RNF222: variants seen among roughly 807,000 people sequenced by gnomAD.
RNF222 encodes ring finger protein 222.
Under a neutral mutation model 10.8 loss-of-function variants are expected in RNF222, and 14 were observed. The ratio of observed to expected loss-of-function variants is 1.30; its 90% CI spans 0.86 to 2.03. The LOEUF (loss-of-function observed/expected upper bound fraction) is 2.03. Among genes scored for constraint, RNF222 ranks in the 30% most tolerant of loss-of-function variants. RNF222 has a pLI of 0.00. For synonymous variants in RNF222, 141 were observed against 142.5 expected (o/e 0.99, Z 0.07); for missense variants, 298 against 295.8 (o/e 1.01, Z -0.06).
At position 8,393,447 on chromosome 17, in the gene RNF222, C is replaced by G. The variant is rs532875439; in HGVS notation, c.15G>C (p.Glu5Asp). The G allele has an allele frequency of 6.5e-6, 10 of 1,549,640 alleles. No individual in the cohort carries two copies. In the African/African-American group the frequency reaches 9.6e-5, roughly 15 times the overall value. MSEGESKDSSGSECP... is the reference protein window; with the variant it reads MSEGDSKDSSGSECP... Reference sequence around the variant, plus strand: ...ACTCACTGCCCGAGCTGTCCTTGCTCTCCCCTTCTGACATGGCCACTGGGA... The same window carrying G: ...ACTCACTGCCCGAGCTGTCCTTGCTGTCCCCTTCTGACATGGCCACTGGGA... Residue 5 changes from glutamate to aspartate, a missense_variant, in exon 3 of 3, where the codon GAG becomes GAC. Transcript: ENST00000399398.
In RNF222 at chr17:8,392,847, C is replaced by G; in HGVS notation, c.615G>C (p.Val205=). 1 of 1,533,152 alleles carries G rather than the reference C, an allele frequency of 6.5e-7. No homozygotes were observed. The highest frequency in any genetic ancestry group is 8.7e-7 in the Non-Finnish European group (1 of 1,146,256). The allele number at this position is 1,533,152 out of a possible 1,614,324, so 95.0% of individuals were successfully genotyped here. The change falls in exon 3 of 3, where the codon GTG becomes GTC. Residue 205 remains valine, a synonymous_variant. Coordinates refer to ENST00000399398, the MANE Select transcript of RNF222 (RefSeq NM_001146684.3). This position sits in a 1 kb window ranked among gnomAD's most constrained non-coding sequence, Gnocchi z 4.3. ...LLITLIAVVA[V]VAAILPWVLL... ...GCACCCAGGGCAGGATGGCGGCCAC[C>G]ACGGCCACCACAGCGATGAGCGTGA... is the stretch of plus-strand genomic sequence containing the variant.
chr17:8,392,706 G>C lies in RNF222; in HGVS notation c.*93C>G. 7.0e-7 allele frequency: 1 copy of C among 1,424,840 alleles called. No individual in the cohort carries two copies. The highest frequency in any genetic ancestry group is 2.5e-5 in the Admixed American group (1 of 40,132). 88.3% of individuals were successfully genotyped at this position (1,424,840 alleles called of 1,614,324 possible). Reference sequence around the variant, plus strand: ...CAGGTCCTCCCCTCTGCCTGCCCGCGTGCCCCTCGGAGCTTGGTGGCACCA... The same window carrying C: ...CAGGTCCTCCCCTCTGCCTGCCCGCCTGCCCCTCGGAGCTTGGTGGCACCA... On this transcript the variant is annotated 3_prime_UTR_variant, in exon 3 of 3. Coordinates refer to ENST00000399398, the MANE Select transcript of RNF222 (RefSeq NM_001146684.3). The surrounding 1 kb of genome is among the most constrained non-coding windows in gnomAD (Gnocchi z 4.3).
intron 1 of RNF222, among the ~76,000 whole-genome samples, chr17:8,395,499 A>G (rs1250097298): frequency 6.6e-6 from 1 of 152,204 alleles, no homozygotes; most frequent in East Asian, 1.9e-4. Context: ...CATTATTAAG[A>G]CAGACCATGT....
At chr17:8,395,555 G>A (rs78100215) in intron 1 of RNF222, among the ~76,000 whole-genome samples, 1,832 of 152,264 alleles carry the variant, frequency 0.012, 14 homozygotes, top group Non-Finnish European at 0.019. Flanking sequence ...CCCTGTCACA[G>A]CTCTTGAGGC....
intron 1 of RNF222, 24 bp downstream of exon 1, chr17:8,397,671 C>T (rs1260492532): frequency 6.6e-6 from 1 of 152,402 alleles, no homozygotes; most frequent in Non-Finnish European, 1.5e-5. Flanking sequence ...CCATCCAGGC[C>T]CCTAGACTCA....
Position 8,393,131 on chromosome 17 carries a change from C to G in RNF222, c.331G>C (p.Ala111Pro). The stretch of plus-strand genomic sequence containing the variant: ...GGTGGCCTCCAGGCAGGGGAGGAGG[C>G]GGCCAGGGGGTTTGTGTGGCCCAGG... The part of the protein sequence containing the change: ...DSLGHTNPLA[A>P]SSPAWRPPPG... Residue 111 changes from alanine (A) to proline (P), a missense_variant, in exon 3 of 3, where the codon GCC (alanine) becomes CCC (proline). Transcript: ENST00000399398. 1 of 1,535,626 alleles carries G rather than the reference C, an allele frequency of 6.5e-7. No individual in the cohort carries two copies. Among genetic ancestry groups the G allele is most frequent in the Non-Finnish European group, 8.8e-7 (1 of 1,139,350 alleles).
chr17:8,393,888 G>A (rs572439420), intron 2 of RNF222, among the ~76,000 whole-genome samples: 2 of 152,298 alleles, frequency 1.3e-5, no homozygotes, highest in East Asian at 3.9e-4. Context: ...GTTACCAGGG[G>A]AAGCAGGTGG....
At chr17:8,395,515 C>G (rs1210437179) in intron 1 of RNF222, among the ~76,000 whole-genome samples, 1 of 152,164 alleles carries the variant, frequency 6.6e-6, no homozygotes, top group African/African-American at 2.4e-5. Flanking sequence ...CATGTCCTGT[C>G]CCCTCTTCTC....
chr17:8,397,123 C>A (rs777480112), intron 1 of RNF222, among the ~76,000 whole-genome samples: 4 of 152,092 alleles, frequency 2.6e-5, no homozygotes, highest in Admixed American at 2.6e-4. Flanking sequence ...AAGGCTGGGG[C>A]GTAGGGATTA....
chr17:8,394,856 G>A (rs936633734), intron 1 of RNF222, among the ~76,000 whole-genome samples: 5 of 152,184 alleles, frequency 3.3e-5, no homozygotes, highest in African/African-American at 1.2e-4. Context: ...AGGTCCAAGT[G>A]TCCGCACTGA....
chr17:8,394,681 G>T (rs1038351243), intron 1 of RNF222, among the ~76,000 whole-genome samples: 2 of 152,102 alleles, frequency 1.3e-5, no homozygotes, highest in African/African-American at 4.8e-5. Context: ...CCGGTGATCC[G>T]CCCGCCTCGG....
At position 8,392,959 on chromosome 17, in the gene RNF222, C is replaced by A; in HGVS notation, c.503G>T (p.Arg168Leu). The A allele has an allele frequency of 1.6e-5, 25 of 1,515,426 alleles. No homozygotes were observed. Among genetic ancestry groups the A allele is most frequent in the Non-Finnish European group, 2.2e-5 (25 of 1,137,664 alleles). 93.9% of individuals were successfully genotyped at this position (1,515,426 alleles called of 1,614,324 possible). A position where few individuals can be genotyped will look rare whatever the true frequency, so the allele number is the denominator to read the frequency against. ...CTCCGAGAGCTCTGCCAGGCTGCGG[C>A]GGGGCAGCACGCTGTCCTGCTCCCC... ...PLGEQDSVLP[R>L]RSLAELSEAS... Residue 168 changes from arginine (R) to leucine (L), a missense_variant, in exon 3 of 3, where the codon CGC becomes CTC. Physicochemically the swap from Arg to Leu is moderately radical, Grantham distance 102. Transcript: ENST00000399398. This position sits in a 1 kb window ranked among gnomAD's most constrained non-coding sequence, Gnocchi z 4.3.
intron 1 of RNF222, among the ~76,000 whole-genome samples, chr17:8,397,409 A>C (rs1002668639): frequency 3.3e-5 from 5 of 152,072 alleles, no homozygotes; most frequent in African/African-American, 1.2e-4. Context: ...GTGTGGGGGC[A>C]GGTGTCCCCA....
At chr17:8,395,216 C>T (rs1351976563) in intron 1 of RNF222, among the ~76,000 whole-genome samples, 4 of 152,152 alleles carry the variant, frequency 2.6e-5, no homozygotes, top group Non-Finnish European at 4.4e-5. Flanking sequence ...GGAGGAGGCC[C>T]CCAAACCTCT....
At position 8,397,823 on chromosome 17, in the gene RNF222, A is replaced by G. The variant is rs540254584; in HGVS notation, c.-306T>C. The G allele has an allele frequency of 1.3e-5, 2 of 152,438 alleles. No homozygotes were observed. The highest frequency in any genetic ancestry group is 3.9e-4 in the East Asian group (2 of 5,170). The allele number at this position is 152,438 out of a possible 1,614,324, so 9.4% of individuals were successfully genotyped here. On this transcript the variant is annotated 5_prime_UTR_variant, in exon 1 of 3. Coordinates refer to ENST00000399398, the MANE Select transcript of RNF222 (RefSeq NM_001146684.3). ...ACCGCCACCGCCGAGGCAATTCCTAATGACAGAGCAGGTCGGGAGGACAGC... is the reference window on the plus strand; with the variant it reads ...ACCGCCACCGCCGAGGCAATTCCTAGTGACAGAGCAGGTCGGGAGGACAGC...
rs921164027 is a variant in RNF222, at chr17:8,391,329, A to G, written c.*1470T>C. 5.3e-5 allele frequency: 8 copies of G among 152,268 alleles called. No individual in the cohort carries two copies. Among genetic ancestry groups the G allele is most frequent in the Non-Finnish European group, 7.3e-5 (5 of 68,064 alleles). The allele number at this position is 152,268 out of a possible 1,614,324, so 9.4% of individuals were successfully genotyped here. Reference sequence around the variant, plus strand: ...GCCACCGTGCCTGGCCACTTCTGTAATCTTGAAATGAGCACAGAGAAGCCC... The same window carrying G: ...GCCACCGTGCCTGGCCACTTCTGTAGTCTTGAAATGAGCACAGAGAAGCCC... On this transcript the variant is annotated 3_prime_UTR_variant, in exon 3 of 3. Coordinates refer to ENST00000399398, the MANE Select transcript of RNF222 (RefSeq NM_001146684.3).
chr17:8,396,900 C>T (rs1038075198), intron 1 of RNF222, among the ~76,000 whole-genome samples: 5 of 152,020 alleles, frequency 3.3e-5, no homozygotes, highest in Admixed American at 2.0e-4. Flanking sequence ...TGAGCACAAA[C>T]GAGTTGAAGA....
In RNF222 at chr17:8,392,788, T is replaced by A; in HGVS notation, c.*11A>T. 2 of 1,531,584 alleles carry A rather than the reference T, an allele frequency of 1.3e-6. No homozygotes were observed. The highest frequency in any genetic ancestry group is 1.7e-6 in the Non-Finnish European group (2 of 1,145,802). The allele number at this position is 1,531,584 out of a possible 1,614,324, so 94.9% of individuals were successfully genotyped here. The stretch of plus-strand genomic sequence containing the variant: ...GCCACGGCTAGCCCGGCGGCCTCCC[T>A]GAGGTGCGGCTCACGCCTGCTTCCT... On this transcript the variant is annotated 3_prime_UTR_variant, in exon 3 of 3. Transcript: ENST00000399398. This position sits in a 1 kb window ranked among gnomAD's most constrained non-coding sequence, Gnocchi z 4.3.
Position 8,392,759 on chromosome 17 carries a change from C to G in RNF222, c.*40G>C, listed in dbSNP as rs1907882214. The G allele has an allele frequency of 1.3e-6, 2 of 1,523,988 alleles. No individual in the cohort carries two copies. Among genetic ancestry groups the G allele is most frequent in the East Asian group, 4.9e-5 (2 of 40,540 alleles). 94.4% of individuals were successfully genotyped at this position (1,523,988 alleles called of 1,614,324 possible). A position where few individuals can be genotyped will look rare whatever the true frequency, so the allele number is the denominator to read the frequency against. ...GCTGCCGTGGGCCTCCTGTCCCACC[C>G]CAGGCCACGGCTAGCCCGGCGGCCT... On this transcript the variant is annotated 3_prime_UTR_variant, in exon 3 of 3. Transcript: ENST00000399398. The surrounding 1 kb of genome is among the most constrained non-coding windows in gnomAD (Gnocchi z 4.3).
Sources: allele counts gnomAD v4.1 joint callset (sites outside exome capture counted in the v4.1 genomes callset), GRCh38; gene constraint gnomAD v4.1.1; non-coding constraint Gnocchi (gnomAD v3.1); transcripts MANE v1.5; gene names NCBI Gene and HGNC (gene_info 2026-07-23, HGNC 2026-07-21).